SPATA16: variants seen among roughly 807,000 people sequenced by gnomAD.
The protein encoded by SPATA16 is spermatogenesis associated 16, also known as spermatogenesis-associated protein 16.
SPATA16 carries 36 observed loss-of-function variants against 63.3 expected under a neutral mutation model. The ratio of observed to expected loss-of-function variants is 0.57; its 90% CI spans 0.44 to 0.75. The LOEUF is 0.75. Among genes scored for constraint, SPATA16 ranks in the 30% least tolerant of loss-of-function variants. The pLI, the probability that SPATA16 is intolerant of heterozygous loss-of-function variation, is 0.00. For synonymous variants in SPATA16, 203 were observed against 216.7 expected (o/e 0.94, Z 0.56); for missense variants, 646 against 679.3 (o/e 0.95, Z 0.54).
intron 2 of SPATA16, among the ~76,000 whole-genome samples, chr3:173,078,861 A>G (rs537590445): frequency 6.6e-6 from 1 of 152,276 alleles, no homozygotes; most frequent in South Asian, 2.1e-4. Context: ...CTGTTGCCCA[A>G]CCTTTATGAC....
chr3:172,967,620 A>G (rs1577111030), intron 5 of SPATA16, among the ~76,000 whole-genome samples: 1 of 152,218 alleles, frequency 6.6e-6, no homozygotes, highest in Non-Finnish European at 1.5e-5. Flanking sequence ...GTGGCGGGCC[A>G]GTAAGAAGCT....
At chr3:173,110,064 C>T (rs1577179396) in intron 2 of SPATA16, among the ~76,000 whole-genome samples, 1 of 151,968 alleles carries the variant, frequency 6.6e-6, no homozygotes, top group African/African-American at 2.4e-5. Context: ...AAATTCATTT[C>T]GTATTTTCCT....
chr3:172,897,176 G>A (rs984465439), intron 10 of SPATA16, among the ~76,000 whole-genome samples: 1 of 152,160 alleles, frequency 6.6e-6, no homozygotes, highest in Non-Finnish European at 1.5e-5. Flanking sequence ...GTCTACAGAT[G>A]TGTAAATGTT....
At chr3:173,096,605 G>A (rs1515445) in intron 2 of SPATA16, among the ~76,000 whole-genome samples, 19,733 of 152,022 alleles carry the variant, frequency 0.13, 1,342 homozygotes, top group African/African-American at 0.16. Flanking sequence ...AAAGAATAAA[G>A]TGGATAAGCT....
At chr3:173,032,179 A>G (rs16834452) in intron 3 of SPATA16, among the ~76,000 whole-genome samples, 6,046 of 152,166 alleles carry the variant, frequency 0.04, 269 homozygotes, top group African/African-American at 0.11. Context: ...ATTGTCTTTC[A>G]TGTTTTATCC....
rs370842360 is a variant in SPATA16 at position 173,084,121 on chromosome 3, C to T, written c.612+32999G>A. Among the ~76,000 whole-genome samples the T allele has an allele frequency of 4.1e-3, 627 of 152,294 alleles. 7 individuals carry two copies. Among genetic ancestry groups the T allele is most frequent in the African/African-American group, 0.013 (529 of 41,556 alleles). On this transcript the variant is annotated intron_variant, in intron 2 of 10. Transcript: ENST00000351008. Reference sequence around the variant, plus strand: ...TACACTGTCTTCTACTATGGCTGAACTAATTTACATTCCCACCAACAGTGT... The same window carrying T: ...TACACTGTCTTCTACTATGGCTGAATTAATTTACATTCCCACCAACAGTGT...
intron 2 of SPATA16, among the ~76,000 whole-genome samples, chr3:173,078,615 G>A (rs924017069): frequency 1.3e-5 from 2 of 152,042 alleles, no homozygotes; most frequent in Admixed American, 1.3e-4. Context: ...ATAAACAATG[G>A]GTGACCAGAA....
chr3:173,122,805 G>A (rs1022916310), intron 1 of SPATA16, among the ~76,000 whole-genome samples: 3 of 152,166 alleles, frequency 2.0e-5, no homozygotes, highest in Non-Finnish European at 4.4e-5. Flanking sequence ...TTACTAGACC[G>A]TGAACTGCTG....
intron 10 of SPATA16, among the ~76,000 whole-genome samples, chr3:172,908,548 G>A (rs1374193639): frequency 6.6e-6 from 1 of 152,198 alleles, no homozygotes; most frequent in Non-Finnish European, 1.5e-5. Flanking sequence ...AAAACAAAAT[G>A]TAGACAGGAG....
intron 6 of SPATA16, among the ~76,000 whole-genome samples, chr3:172,939,832 A>G (rs761714889): frequency 3.9e-5 from 6 of 152,298 alleles, no homozygotes; most frequent in Admixed American, 1.3e-4. Context: ...TAGCTTCAGG[A>G]TGAGGGCAAT....
intron 10 of SPATA16, among the ~76,000 whole-genome samples, chr3:172,908,102 C>G (rs55898453): frequency 0.06 from 9,171 of 152,146 alleles, 432 homozygotes; most frequent in Admixed American, 0.11. Context: ...GGCTGTTTCT[C>G]CAGTGTCTAG....
chr3:172,907,261 T>C (rs1250329981), intron 10 of SPATA16, among the ~76,000 whole-genome samples: 1 of 152,188 alleles, frequency 6.6e-6, no homozygotes, highest in Non-Finnish European at 1.5e-5. Context: ...TGTTTGTGTT[T>C]TCTTATACTA....
At chr3:173,044,785 T>A (rs1274566226) in intron 3 of SPATA16, among the ~76,000 whole-genome samples, 8 of 152,284 alleles carry the variant, frequency 5.3e-5, no homozygotes, top group African/African-American at 1.9e-4. Flanking sequence ...TTTTTGTTTT[T>A]TTCCCCCTGT....
intron 2 of SPATA16, among the ~76,000 whole-genome samples, chr3:173,057,852 C>T (rs960134847): frequency 1.3e-5 from 2 of 152,168 alleles, no homozygotes; most frequent in Non-Finnish European, 2.9e-5. Context: ...CTTATTTTTA[C>T]TTCGTTTTTC....
chr3:173,058,260 C>A (rs1736296817), intron 2 of SPATA16, among the ~76,000 whole-genome samples: 1 of 151,956 alleles, frequency 6.6e-6, no homozygotes, highest in Non-Finnish European at 1.5e-5. Context: ...TTTATTAGAT[C>A]TCCATTTAAT....
chr3:173,100,420 C>CA (rs1400926058), intron 2 of SPATA16, among the ~76,000 whole-genome samples: 24 of 151,154 alleles, frequency 1.6e-4, no homozygotes, highest in South Asian at 6.3e-4. Flanking sequence ...GAAATAAAAA[C>CA]AAAAAAAACC....
At chr3:173,090,891 A>G (rs1471003026) in intron 2 of SPATA16, among the ~76,000 whole-genome samples, 1 of 152,180 alleles carries the variant, frequency 6.6e-6, no homozygotes, top group Non-Finnish European at 1.5e-5. Flanking sequence ...ATCACTACAC[A>G]TGTAGAGTAT....
chr3:173,139,569 A>G (rs1028291057), intron 1 of SPATA16, among the ~76,000 whole-genome samples: 93 of 152,220 alleles, frequency 6.1e-4, no homozygotes, highest in African/African-American at 2.1e-3. Context: ...ATGGCCTACA[A>G]TTGTTGGGGT....
chr3:173,060,931 C>T (rs1179602728), intron 2 of SPATA16, among the ~76,000 whole-genome samples: 3 of 152,146 alleles, frequency 2.0e-5, no homozygotes, highest in Admixed American at 6.5e-5. Context: ...ATTCAAAGGT[C>T]TATCTTCGTA....
Sources: gnomAD v4.1 joint callset for allele counts (sites outside exome capture counted in the v4.1 genomes callset) on GRCh38, gnomAD v4.1.1 for gene constraint, MANE v1.5 for transcripts, NCBI Gene and HGNC (gene_info 2026-07-23, HGNC 2026-07-21) for gene names.